Variants in HMGB3 observed in about 807,000 individuals in gnomAD.
HMGB3 encodes the protein high mobility group box 3, also known as high mobility group protein B3.
HMGB3 carries 1 observed loss-of-function variant against 12.9 expected under a neutral mutation model. The observed-to-expected ratio is 0.08, with a 90% confidence interval of 0.03 to 0.37. The LOEUF is 0.37. HMGB3 is among the 10% of genes least tolerant of loss of function. The pLI is 0.99. For missense variants in HMGB3, 74 were observed against 153.3 expected (o/e 0.48, Z 2.73); for synonymous variants, 61 against 53.9 (o/e 1.13, Z -0.57).
upstream of HMGB3, among the ~76,000 whole-genome samples, chrX:150,982,471 C>A (rs781959977): frequency 1.8e-5 from 2 of 112,503 alleles, no homozygotes; most frequent in South Asian, 7.4e-4. Context: ...ATTCCCGAAG[C>A]TTTAATTCTT....
At chrX:150,987,496 G>C (rs782807916) in intron 4 of HMGB3, among the ~76,000 whole-genome samples, 194 bp downstream of exon 4, 1 of 110,933 alleles carries the variant, frequency 9.0e-6, no homozygotes, top group East Asian at 2.8e-4. Flanking sequence ...ACAACTTCAG[G>C]CTTGAAAAAT....
chrX:150,983,920 C>T (rs1362976276), intron 1 of HMGB3, among the ~76,000 whole-genome samples: 1 of 105,790 alleles, frequency 9.5e-6, no homozygotes, highest in Admixed American at 9.7e-5. Flanking sequence ...CGCTCCCGGG[C>T]TTGGCCCGGC....
At chrX:150,986,278 C>A (rs898336050) in intron 3 of HMGB3, 88 bp downstream of exon 3, 10 of 736,635 alleles carry the variant, frequency 1.4e-5, no homozygotes, top group Non-Finnish European at 1.9e-5. Context: ...TATTTCATTT[C>A]AAAATGAAAT....
In HMGB3 at chrX:150,990,398, C is replaced by T. The variant is rs1557425364; in HGVS notation, c.*2484C>T. On this transcript the variant is annotated 3_prime_UTR_variant, in exon 5 of 5. Transcript: ENST00000325307. The stretch of plus-strand genomic sequence containing the variant: ...TAGCTGGGGCAGCAAGATCACTACT[C>T]AACGTTTTCACACTGTGGCAAGATT... The T allele has an allele frequency of 8.9e-6, 1 of 112,031 alleles. No homozygotes were observed. Among genetic ancestry groups the T allele is most frequent in the African/African-American group, 3.2e-5 (1 of 30,808 alleles). 9.2% of individuals were successfully genotyped at this position (112,031 alleles called of 1,213,427 possible).
intron 2 of HMGB3, 126 bp from the exon 3 acceptor site, chrX:150,985,925 A>G (rs1338222439): frequency 1.2e-6 from 1 of 845,544 alleles, no homozygotes; most frequent in Admixed American, 3.0e-5. Flanking sequence ...AAGGCCCTGC[A>G]CAGGTTTCAG....
chrX:150,989,538 A>G lies in HMGB3; in HGVS notation c.*1624A>G, dbSNP rs1054264111. Reference sequence around the variant, plus strand: ...GCTTGGTTTGTGTGTCAGTGGTTATATTAGTGGGTAGTGTAACATTTTATC... The same window carrying G: ...GCTTGGTTTGTGTGTCAGTGGTTATGTTAGTGGGTAGTGTAACATTTTATC... On this transcript the variant is annotated 3_prime_UTR_variant, in exon 5 of 5. Coordinates refer to ENST00000325307, the MANE Select transcript of HMGB3 (RefSeq NM_005342.4). 6 of 111,769 alleles carry G rather than the reference A, an allele frequency of 5.4e-5. No individual in the cohort carries two copies. Among genetic ancestry groups the G allele is most frequent in the Non-Finnish European group, 1.1e-4 (6 of 53,176 alleles). 9.2% of individuals were successfully genotyped at this position (111,769 alleles called of 1,213,427 possible). A position where few individuals can be genotyped will look rare whatever the true frequency, so the allele number is the denominator to read the frequency against.
chrX:150,983,439 C>T lies in HMGB3; in HGVS notation c.-6+63C>T. On this transcript the variant is annotated intron_variant, in intron 1 of 4. Coordinates refer to ENST00000325307, the MANE Select transcript of HMGB3 (RefSeq NM_005342.4). ...CCGCCGCCGCCGCCGCCGCCGCCGCCGCCGCCGCCGCCGCAGCGCCCGCAC... is the reference window on the plus strand; with the variant it reads ...CCGCCGCCGCCGCCGCCGCCGCCGCTGCCGCCGCCGCCGCAGCGCCCGCAC... The T allele has an allele frequency of 6.9e-6, 3 of 433,065 alleles. No individual in the cohort carries two copies. In the African/African-American group the frequency reaches 9.0e-5, roughly 13 times the overall value. The allele number at this position is 433,065 out of a possible 1,213,427, so 35.7% of individuals were successfully genotyped here. A position where few individuals can be genotyped will look rare whatever the true frequency, so the allele number is the denominator to read the frequency against.
At chrX:150,983,022 G>A (rs1281702478), upstream of HMGB3, among the ~76,000 whole-genome samples, 1 of 113,049 alleles carries the variant, frequency 8.8e-6, no homozygotes, top group East Asian at 2.8e-4. Context: ...AGGCCTCCGG[G>A]AATCGCAGGG....
chrX:150,984,295 C>G (rs2048025160), intron 1 of HMGB3, among the ~76,000 whole-genome samples: 1 of 91,395 alleles, frequency 1.1e-5, no homozygotes. Flanking sequence ...GGAGGTCCGG[C>G]CCGGGCCCCC....
At chrX:150,986,305 T>TTAAAAGATGGC (rs1352553176) in intron 3 of HMGB3, 115 bp downstream of exon 3, 1 of 604,801 alleles carries the variant, frequency 1.7e-6, no homozygotes, top group Non-Finnish European at 2.4e-6. Flanking sequence ...TAAAAGATAC[T>TTAAAAGATGGC]TAAAAGATGG....
At chrX:150,986,261 C>A in intron 3 of HMGB3, 71 bp downstream of exon 3, 1 of 849,077 alleles carries the variant, frequency 1.2e-6, no homozygotes, top group Non-Finnish European at 1.6e-6. Flanking sequence ...GTTTTTTGGT[C>A]GTCCTGTATT....
Position 150,988,020 on chromosome X carries a change from C to G in HMGB3, c.*106C>G. The stretch of plus-strand genomic sequence containing the variant: ...CTGTTGCCCTCATTAGGTTTAATTA[C>G]AAAATTTGATCACGATCATATTGTA... On this transcript the variant is annotated 3_prime_UTR_variant, in exon 5 of 5. Transcript: ENST00000325307. The G allele has an allele frequency of 9.9e-7, 1 of 1,006,623 alleles. No individual in the cohort carries two copies. The highest frequency in any genetic ancestry group is 1.9e-5 in the African/African-American group (1 of 53,016). The allele number at this position is 1,006,623 out of a possible 1,213,427, so 83.0% of individuals were successfully genotyped here.
rs1557425217 is a variant in HMGB3 at position 150,985,683 on chromosome X, G to A, written c.84G>A (p.Lys28=). The change falls in exon 2 of 5, where the codon AAG becomes AAA. Residue 28 remains lysine (K), a synonymous_variant. Transcript: ENST00000325307. The part of the protein sequence containing the change: ...FFVQTCREEH[K]KKNPEVPVNF... ...TGCAGACATGCAGAGAAGAACATAA[G>A]AAGAAAAACCCAGAGGTCCCTGTCA... 5 of 1,208,172 alleles carry A rather than the reference G, an allele frequency of 4.1e-6. No individual in the cohort carries two copies. The highest frequency in any genetic ancestry group is 1.8e-5 in the South Asian group (1 of 56,890).
At chrX:150,983,558 C>T (rs1374740182) in intron 1 of HMGB3, 182 bp downstream of exon 1, 2 of 747,762 alleles carry the variant, frequency 2.7e-6, no homozygotes, top group African/African-American at 2.3e-5. Context: ...GCCTTCCCTC[C>T]TGCTAGGCGG....
At chrX:150,984,907 G>A (rs1431612548) in intron 1 of HMGB3, among the ~76,000 whole-genome samples, 1 of 112,233 alleles carries the variant, frequency 8.9e-6, no homozygotes, top group Non-Finnish European at 1.9e-5. Flanking sequence ...AAGTGTTCTC[G>A]GCTGGACCTG....
Position 150,985,625 on chromosome X carries a change from C to T in HMGB3, c.26C>T (p.Pro9Leu). The stretch of plus-strand genomic sequence containing the variant: ...ATGGCTAAAGGTGACCCCAAGAAAC[C>T]AAAGGGCAAGATGTCCGCTTATGCC... MAKGDPKK[P>L]KGKMSAYAFF... The change falls in exon 2 of 5, where the codon CCA becomes CTA. Residue 9 changes from proline (P) to leucine (L), a missense_variant. Around this residue, in one of 2 missense-constraint regions of HMGB3, gnomAD observed 45 missense variants for 123.8 expected, o/e 0.36. Coordinates refer to ENST00000325307, the MANE Select transcript of HMGB3 (RefSeq NM_005342.4). 8.3e-7 allele frequency: 1 copy of T among 1,199,135 alleles called. No homozygotes were observed. The highest frequency in any genetic ancestry group is 1.1e-6 in the Non-Finnish European group (1 of 891,057).
At chrX:150,985,951 C>T (rs1442484616) in intron 2 of HMGB3, 100 bp from the exon 3 acceptor site, 15 of 973,981 alleles carry the variant, frequency 1.5e-5, no homozygotes, top group Non-Finnish European at 2.0e-5. Context: ...TACCTACCCC[C>T]TTTTGCAAGT....
intron 1 of HMGB3, chrX:150,984,747 C>T: frequency 7.7e-6 from 1 of 129,445 alleles, no homozygotes; most frequent in Non-Finnish European, 1.5e-5. Flanking sequence ...CTCTGTTGGG[C>T]AGCCTCCTGG....
In HMGB3 at chrX:150,987,993, G is replaced by A. The variant is rs2048072514; in HGVS notation, c.*79G>A. ...TTGACACATCTCTTATTTGAGAAGT[G>A]TCTGTTGCCCTCATTAGGTTTAATT... is the stretch of plus-strand genomic sequence containing the variant. On this transcript the variant is annotated 3_prime_UTR_variant, in exon 5 of 5. Transcript: ENST00000325307. The A allele has an allele frequency of 9.0e-7, 1 of 1,105,087 alleles. No homozygotes were observed. Among genetic ancestry groups the A allele is most frequent in the Non-Finnish European group, 1.2e-6 (1 of 835,906 alleles). The allele number at this position is 1,105,087 out of a possible 1,213,427, so 91.1% of individuals were successfully genotyped here.
Sources: gnomAD v4.1 joint callset for allele counts (sites outside exome capture counted in the v4.1 genomes callset) on GRCh38, gnomAD v4.1.1 for gene constraint, gnomAD v4.1.1 regional missense constraint, MANE v1.5 for transcripts, NCBI Gene and HGNC (gene_info 2026-07-23, HGNC 2026-07-21) for gene names.